DIP2A: variants seen among roughly 807,000 people sequenced by gnomAD.
DIP2A encodes the protein DIP2 acetate--CoA ligase A.
Under a neutral mutation model 177.4 loss-of-function variants are expected in DIP2A, and 85 were observed. That is an observed-to-expected ratio of 0.48 (90% CI 0.40 to 0.57). The LOEUF is 0.57. Ranked by LOEUF, DIP2A falls within the 20% of genes least tolerant of loss-of-function variation. The probability of loss-of-function intolerance (pLI) is 0.00; values close to 1 mark genes in which losing one functional copy is unlikely to be tolerated. For synonymous variants in DIP2A, 886 were observed against 881.8 expected (o/e 1.00, Z -0.08); for missense variants, 1,791 against 2,100.2 (o/e 0.85, Z 2.88).
intron 1 of DIP2A, among the ~76,000 whole-genome samples, chr21:46,460,746 T>A (rs1331449592): frequency 6.6e-6 from 1 of 151,702 alleles, no homozygotes; most frequent in East Asian, 1.9e-4. Context: ...CAGGCTGGAG[T>A]GCAATGGCGT....
intron 18 of DIP2A, among the ~76,000 whole-genome samples, chr21:46,544,261 A>G (rs1034016753): frequency 2.0e-5 from 3 of 152,104 alleles, no homozygotes; most frequent in Admixed American, 6.6e-5. Flanking sequence ...GAGGAGTCAC[A>G]CTGAGGCCTG....
chr21:46,573,159 G>A (rs180898495), downstream of DIP2A, among the ~76,000 whole-genome samples: 12 of 151,922 alleles, frequency 7.9e-5, no homozygotes, highest in East Asian at 3.9e-4. Flanking sequence ...ACAGAAGGGC[G>A]CAATACAAGA....
In DIP2A at chr21:46,557,030, C is replaced by G; in HGVS notation, c.3590C>G (p.Pro1197Arg). 6.2e-7 allele frequency: 1 copy of G among 1,605,294 alleles called. No homozygotes were observed. The highest frequency in any genetic ancestry group is 1.1e-5 in the South Asian group (1 of 89,338). The change falls in exon 30 of 38, where the codon CCC (proline) becomes CGC (arginine). Residue 1197 changes from proline to arginine, a missense_variant. By Grantham distance (103) the Pro-to-Arg change is moderately radical. Transcript: ENST00000417564. The surrounding 1 kb of genome is among the most constrained non-coding windows in gnomAD (Gnocchi z 6.0). ...PSRQIAICLD[P>R]YCGLGFALWC... is the part of the protein sequence containing the mutation. The stretch of plus-strand genomic sequence containing the variant: ...CGGCAGATCGCCATCTGCCTCGACC[C>G]CTACTGTGGCCTTGGTTTTGCCCTG...
Position 46,549,838 on chromosome 21 carries a change from G to T in DIP2A, c.2590G>T (p.Asp864Tyr). Residue 864 changes from aspartate to tyrosine, a missense_variant, in exon 22 of 38, where the codon GAT becomes TAT. By Grantham distance (160) the Asp-to-Tyr change is radical. Coordinates refer to ENST00000417564, the MANE Select transcript of DIP2A (RefSeq NM_015151.4). ...RIVLVAEQRP[D>Y]ASEEDSFQWM... The stretch of plus-strand genomic sequence containing the variant: ...TGTCCTGGTGGCTGAGCAGCGGCCG[G>T]ATGCCTCGGAGGAGGACAGCTTCCA... 6.2e-7 allele frequency: 1 copy of T among 1,613,166 alleles called. No individual in the cohort carries two copies. The highest frequency in any genetic ancestry group is 8.5e-7 in the Non-Finnish European group (1 of 1,179,988).
In DIP2A at chr21:46,498,768, C is replaced by T; in HGVS notation, c.590C>T (p.Ala197Val). The change falls in exon 5 of 38, where the codon GCT becomes GTT. Residue 197 changes from alanine to valine, a missense_variant. Transcript: ENST00000417564. The surrounding 1 kb of genome is among the most constrained non-coding windows in gnomAD (Gnocchi z 4.3). ...PGGRPTTAPSAAATPGAAATT... is the reference protein window; with the variant it reads ...PGGRPTTAPSVAATPGAAATT... ...GGGAGACCCACCACTGCTCCCAGTG[C>T]TGCAGCCACGCCGGGGGCCGCCGCT... is the stretch of plus-strand genomic sequence containing the variant. The T allele has an allele frequency of 6.2e-7, 1 of 1,613,820 alleles. No individual in the cohort carries two copies. The highest frequency in any genetic ancestry group is 1.1e-5 in the South Asian group (1 of 91,084).
At chr21:46,572,602 C>T (rs951365265), downstream of DIP2A, among the ~76,000 whole-genome samples, 1 of 152,148 alleles carries the variant, frequency 6.6e-6, no homozygotes, top group Non-Finnish European at 1.5e-5. Context: ...GCATGCTCAG[C>T]GCCCCCACCA....
chr21:46,557,297 A>G lies in DIP2A; in HGVS notation c.3629+228A>G, dbSNP rs2060501725. On this transcript the variant is annotated intron_variant, in intron 30 of 37. Transcript: ENST00000417564. The surrounding 1 kb of genome is among the most constrained non-coding windows in gnomAD (Gnocchi z 6.0). ...TCAGTACTTGGGAAGAATCTGCTTG[A>G]TTCCTTCAAACACTAGAAAGTGGCG... 1.6e-6 allele frequency: 1 copy of G among 631,980 alleles called. No homozygotes were observed. The highest frequency in any genetic ancestry group is 3.0e-5 in the Admixed American group (1 of 33,732). The allele number at this position is 631,980 out of a possible 1,614,324, so 39.1% of individuals were successfully genotyped here.
At chr21:46,482,750 G>A (rs535901086) in intron 1 of DIP2A, among the ~76,000 whole-genome samples, 16 of 152,242 alleles carry the variant, frequency 1.1e-4, no homozygotes, top group South Asian at 2.1e-4. Context: ...TTGTGTTGCC[G>A]AGTGAAGGAC....
Position 46,498,663 on chromosome 21 carries a change from G to T in DIP2A, c.485G>T (p.Ser162Ile), listed in dbSNP as rs1308972408. Reference sequence around the variant, plus strand: ...TCCACTCCGCTCCAGAGCCATTCCAGCGTCGAGCCCTGGCTCGACCGGGTC... The same window carrying T: ...TCCACTCCGCTCCAGAGCCATTCCATCGTCGAGCCCTGGCTCGACCGGGTC... ...LTSTPLQSHS[S>I]VEPWLDRVIQ... The change falls in exon 5 of 38, where the codon AGC becomes ATC. Residue 162 changes from serine to isoleucine, a missense_variant. By Grantham distance (142) the Ser-to-Ile change is moderately radical (BLOSUM62 -2). Coordinates refer to ENST00000417564, the MANE Select transcript of DIP2A (RefSeq NM_015151.4). This position sits in a 1 kb window ranked among gnomAD's most constrained non-coding sequence, Gnocchi z 4.3. The T allele has an allele frequency of 6.2e-7, 1 of 1,613,678 alleles. No individual in the cohort carries two copies.
rs1041092636 is a variant in DIP2A at position 46,557,177 on chromosome 21, T to C, written c.3629+108T>C. 8 of 1,279,020 alleles carry C rather than the reference T, an allele frequency of 6.3e-6. No individual in the cohort carries two copies. The African/African-American group carries it at 1.2e-4, about 19-fold the overall frequency. The allele number at this position is 1,279,020 out of a possible 1,614,324, so 79.2% of individuals were successfully genotyped here. A position where few individuals can be genotyped will look rare whatever the true frequency, so the allele number is the denominator to read the frequency against. ...CTGGGTGCTCAGGAAGCCGATGAGA[T>C]GTGTGTGAGTGGGTTTGTTTGGGGA... is the stretch of plus-strand genomic sequence containing the variant. On this transcript the variant is annotated intron_variant, in intron 30 of 37. Transcript: ENST00000417564. The surrounding 1 kb of genome is among the most constrained non-coding windows in gnomAD (Gnocchi z 6.0).
chr21:46,572,334 T>G (rs924549362), downstream of DIP2A, among the ~76,000 whole-genome samples: 1 of 152,182 alleles, frequency 6.6e-6, no homozygotes, highest in African/African-American at 2.4e-5. Flanking sequence ...TGTACAATGT[T>G]TATAAAGTCT....
chr21:46,550,481 C>G lies in DIP2A; in HGVS notation c.2638-62C>G, dbSNP rs1178336940. ...CCACAGAGGGGATGTTCCTGTCCCC[C>G]ACCCAGCATCTCCCCAGCCTCAAGT... is the stretch of plus-strand genomic sequence containing the variant. On this transcript the variant is annotated intron_variant, in intron 22 of 37. Coordinates refer to ENST00000417564, the MANE Select transcript of DIP2A (RefSeq NM_015151.4). 4 of 1,516,912 alleles carry G rather than the reference C, an allele frequency of 2.6e-6. No individual in the cohort carries two copies. In the African/African-American group the frequency reaches 5.5e-5, roughly 21 times the overall value. 94.0% of individuals were successfully genotyped at this position (1,516,912 alleles called of 1,614,324 possible).
chr21:46,582,560 G>A, the DIP2A span, among the ~76,000 whole-genome samples: 3 of 152,190 alleles, frequency 2.0e-5, no homozygotes, highest in African/African-American at 7.2e-5. Context: ...GGGGATGGGA[G>A]CTCCTCTTGC....
chr21:46,509,506 C>G lies in DIP2A; in HGVS notation c.904+130C>G, dbSNP rs148308032. 1.5e-4 allele frequency: 172 copies of G among 1,179,672 alleles called. No individual in the cohort carries two copies. In the East Asian group the frequency reaches 5.0e-3, roughly 34 times the overall value. 73.1% of individuals were successfully genotyped at this position (1,179,672 alleles called of 1,614,324 possible). A position where few individuals can be genotyped will look rare whatever the true frequency, so the allele number is the denominator to read the frequency against. ...ATTCTGTTTCCAGACTCAGTGGTCA[C>G]TGGGTGTAATGGTGAATTTAGAATC... On this transcript the variant is annotated intron_variant, in intron 7 of 37. Transcript: ENST00000417564.
intron 32 of DIP2A, among the ~76,000 whole-genome samples, chr21:46,560,332 G>GA (rs2060622677): frequency 1.3e-5 from 2 of 152,228 alleles, no homozygotes; most frequent in Admixed American, 6.5e-5. Context: ...AGCAGTCCCC[G>GA]GTAGAATTAG....
At chr21:46,550,105 T>G (rs548100392) in intron 22 of DIP2A, 1 of 1,206,656 alleles carries the variant, frequency 8.3e-7, no homozygotes, top group African/African-American at 1.5e-5. Flanking sequence ...ATAATTAATA[T>G]ATCCATCACC....
At chr21:46,582,234 G>T in the DIP2A span, among the ~76,000 whole-genome samples, 1 of 152,202 alleles carries the variant, frequency 6.6e-6, no homozygotes, top group Admixed American at 6.5e-5. Flanking sequence ...ATCTGCCACA[G>T]CCACTGTGCT....
rs1021946960 is a variant in DIP2A at position 46,557,948 on chromosome 21, G to T, written c.3798+195G>T. Among the ~76,000 whole-genome samples, 2 of 152,182 alleles carry T rather than the reference G, an allele frequency of 1.3e-5. No homozygotes were observed. The highest frequency in any genetic ancestry group is 4.8e-5 in the African/African-American group (2 of 41,444). ...ACCTGTCTCTGCAGCTCCACACCCC[G>T]CAGGAGAGGAGGGTGGGGGGTAGGG... is the stretch of plus-strand genomic sequence containing the variant. On this transcript the variant is annotated intron_variant, in intron 31 of 37. Coordinates refer to ENST00000417564, the MANE Select transcript of DIP2A (RefSeq NM_015151.4). The surrounding 1 kb of genome is among the most constrained non-coding windows in gnomAD (Gnocchi z 6.0).
At chr21:46,496,631 T>C (rs115515238) in intron 3 of DIP2A, among the ~76,000 whole-genome samples, 2 of 152,324 alleles carry the variant, frequency 1.3e-5, no homozygotes, top group African/African-American at 4.8e-5. Flanking sequence ...TGTATTAGGC[T>C]GCATTCAAAG....
Sources: allele counts gnomAD v4.1 joint callset (sites outside exome capture counted in the v4.1 genomes callset), GRCh38; gene constraint gnomAD v4.1.1; non-coding constraint Gnocchi (gnomAD v3.1); transcripts MANE v1.5; gene names NCBI Gene and HGNC (gene_info 2026-07-23, HGNC 2026-07-21).